The following ANKS1A variants were observed in gnomAD, a reference collection of about 807,000 sequenced individuals.
The protein encoded by ANKS1A is ankyrin repeat and SAM domain-containing protein 1A.
A neutral mutation model predicts 120.3 loss-of-function variants in ANKS1A; 55 were observed. The observed-to-expected ratio is 0.46, with a 90% CI of 0.37 to 0.57. The LOEUF (loss-of-function observed/expected upper bound fraction) is 0.57, where lower values mean the gene tolerates loss of function less well. ANKS1A is among the 20% of genes least tolerant of loss of function. The probability of loss-of-function intolerance (pLI) is 0.00; values close to 1 mark genes in which losing one functional copy is unlikely to be tolerated. For synonymous variants in ANKS1A, 590 were observed against 604.7 expected, an observed-to-expected ratio of 0.98 and a Z score of 0.36; for missense variants, 1,123 against 1,480.3, an observed-to-expected ratio of 0.76 and a Z score of 3.96.
rs183530151 is a variant in ANKS1A at position 34,914,213 on chromosome 6, A to G, written c.197+24614A>G. Among the ~76,000 whole-genome samples, 845 of 152,258 alleles carry G rather than the reference A, an allele frequency of 5.5e-3. 9 individuals are homozygous for G. Among genetic ancestry groups the G allele is most frequent in the African/African-American group, 0.016 (669 of 41,544 alleles). On this transcript the variant is annotated intron_variant, in intron 1 of 23. Transcript: ENST00000360359. ...TGGGATTACAGGTGTGAGCCACCTTACCCAGCCAATAGTTTTTGAATCTAA... is the reference window on the plus strand; with the variant it reads ...TGGGATTACAGGTGTGAGCCACCTTGCCCAGCCAATAGTTTTTGAATCTAA...
At chr6:34,979,590 T>C (rs1000259843) in intron 3 of ANKS1A, among the ~76,000 whole-genome samples, 7 of 152,152 alleles carry the variant, frequency 4.6e-5, no homozygotes, top group Non-Finnish European at 8.8e-5. Flanking sequence ...TTTTTTGTTT[T>C]TTTGGTTTTT....
intron 1 of ANKS1A, among the ~76,000 whole-genome samples, chr6:34,924,441 C>T (rs1195469413): frequency 6.6e-6 from 1 of 152,130 alleles, no homozygotes; most frequent in African/African-American, 2.4e-5. Flanking sequence ...TCCTGTTTTT[C>T]TCAGCCTTTA....
intron 1 of ANKS1A, among the ~76,000 whole-genome samples, chr6:34,960,053 G>A (rs2127500128): frequency 6.6e-6 from 1 of 152,076 alleles, no homozygotes; most frequent in Middle Eastern, 3.4e-3. Context: ...ATGTCCTCTG[G>A]CATCTCTGTG....
intron 11 of ANKS1A, among the ~76,000 whole-genome samples, chr6:35,023,179 G>A (rs1472699096): frequency 6.6e-6 from 1 of 152,076 alleles, no homozygotes; most frequent in East Asian, 1.9e-4. Context: ...CCTTCCCTTT[G>A]ACCCTTCTGA....
intron 9 of ANKS1A, among the ~76,000 whole-genome samples, chr6:34,993,346 C>G (rs947946832): frequency 6.6e-6 from 1 of 152,146 alleles, no homozygotes; most frequent in African/African-American, 2.4e-5. Context: ...ACTCTGGTAC[C>G]AAGACAAGCC....
chr6:35,056,559 A>T (rs1776235500), intron 12 of ANKS1A, among the ~76,000 whole-genome samples: 1 of 152,180 alleles, frequency 6.6e-6, no homozygotes. Context: ...AAGTGCTGGG[A>T]TTACAGGCGT....
intron 9 of ANKS1A, among the ~76,000 whole-genome samples, chr6:34,992,833 C>G (rs1213257943): frequency 6.6e-6 from 1 of 152,172 alleles, no homozygotes; most frequent in Non-Finnish European, 1.5e-5. Context: ...TGTTAACAAA[C>G]AGGAGCTGCA....
chr6:35,034,460 A>G (rs1775056555), intron 11 of ANKS1A, among the ~76,000 whole-genome samples: 1 of 152,208 alleles, frequency 6.6e-6, no homozygotes, highest in East Asian at 1.9e-4. Context: ...GACGTTAGTC[A>G]GAGCATCTGA....
intron 13 of ANKS1A, among the ~76,000 whole-genome samples, chr6:35,075,266 A>G (rs1228578509): frequency 1.3e-5 from 2 of 152,242 alleles, no homozygotes; most frequent in African/African-American, 4.8e-5. Flanking sequence ...TAAGCCTGAC[A>G]TAACTGAGAA....
At chr6:34,992,205 A>T (rs756854012) in intron 9 of ANKS1A, among the ~76,000 whole-genome samples, 7 of 151,988 alleles carry the variant, frequency 4.6e-5, no homozygotes, top group Non-Finnish European at 1.0e-4. Context: ...AAGTCCCCAG[A>T]CCTCTCTGGG....
At position 35,085,581 on chromosome 6, in the gene ANKS1A, G is replaced by A. The variant is rs1270770944; in HGVS notation, c.3133-185G>A. On this transcript the variant is annotated intron_variant, in intron 21 of 23. Coordinates refer to ENST00000360359, the MANE Select transcript of ANKS1A (RefSeq NM_015245.3). The surrounding 1 kb of genome is among the most constrained non-coding windows in gnomAD (Gnocchi z 4.7). ...AGCCCAGCTCCCGGCCACATCCTGT[G>A]TAGAGCGGGAAGAACAACAGAGACC... is the stretch of plus-strand genomic sequence containing the variant. Among the ~76,000 whole-genome samples the A allele has an allele frequency of 6.6e-6, 1 of 150,806 alleles. No individual in the cohort carries two copies. The highest frequency in any genetic ancestry group is 6.6e-5 in the Admixed American group (1 of 15,042).
Position 34,986,263 on chromosome 6 carries a change from A to G in ANKS1A, c.1209+985A>G, listed in dbSNP as rs1581599159. Among the ~76,000 whole-genome samples the G allele has an allele frequency of 3.3e-5, 5 of 152,214 alleles. No individual in the cohort carries two copies. The South Asian group carries it at 1.0e-3, about 31-fold the overall frequency. ...GAAACATTGTACCATCGCAGGTCAG[A>G]CAGTCTGTACCTGCTTTTACTTCTA... On this transcript the variant is annotated intron_variant, in intron 8 of 23. Transcript: ENST00000360359.
rs1323083811 is a variant in ANKS1A at position 35,014,775 on chromosome 6, A to G, written c.1424-2698A>G. The stretch of plus-strand genomic sequence containing the variant: ...TTTACCAAAGTCATCTTGCATTCAA[A>G]TATAGTCAGAGGGACATTGTACCTT... On this transcript the variant is annotated intron_variant, in intron 10 of 23. Coordinates refer to ENST00000360359, the MANE Select transcript of ANKS1A (RefSeq NM_015245.3). Among the ~76,000 whole-genome samples the G allele has an allele frequency of 2.6e-5, 4 of 152,244 alleles. No individual in the cohort carries two copies. In the South Asian group the frequency reaches 6.2e-4, roughly 24 times the overall value.
At chr6:35,052,061 T>C (rs182624601) in intron 11 of ANKS1A, among the ~76,000 whole-genome samples, 95 of 152,200 alleles carry the variant, frequency 6.2e-4, no homozygotes, top group Non-Finnish European at 4.7e-4. Flanking sequence ...ACACCTGTAG[T>C]CCCAGCACTT....
chr6:34,900,616 A>G (rs1455432260), intron 1 of ANKS1A, among the ~76,000 whole-genome samples: 1 of 152,190 alleles, frequency 6.6e-6, no homozygotes, highest in African/African-American at 2.4e-5. Flanking sequence ...GGAATACACT[A>G]GTAGTATTGC....
Position 34,894,571 on chromosome 6 carries a change from G to C in ANKS1A, c.197+4972G>C, listed in dbSNP as rs142899721. ...GGAGGCTGATGTGGGAGGATTGCTT[G>C]AGTCTGGGAGGTTGAGGCTGCAGTG... On this transcript the variant is annotated intron_variant, in intron 1 of 23. Coordinates refer to ENST00000360359, the MANE Select transcript of ANKS1A (RefSeq NM_015245.3). Among the ~76,000 whole-genome samples, 13 of 152,280 alleles carry C rather than the reference G, an allele frequency of 8.5e-5. No individual in the cohort carries two copies. The East Asian group carries it at 2.5e-3, about 29-fold the overall frequency.
At chr6:34,945,090 A>C (rs1032362356) in intron 1 of ANKS1A, among the ~76,000 whole-genome samples, 1 of 151,938 alleles carries the variant, frequency 6.6e-6, no homozygotes, top group Admixed American at 6.6e-5. Flanking sequence ...TTATTTTATT[A>C]TTTGAAATAG....
rs750993571 is a variant in ANKS1A, at chr6:35,084,098, C to T, written c.2995-23C>T. ...GAGGCATGCCTGAGCCTGAGAATTC[C>T]AGAACACGGCTTTCCCCAGCAGAAC... On this transcript the variant is annotated intron_variant, in intron 20 of 23. Transcript: ENST00000360359. This position sits in a 1 kb window ranked among gnomAD's most constrained non-coding sequence, Gnocchi z 4.8. 1 of 1,613,350 alleles carries T rather than the reference C, an allele frequency of 6.2e-7. No individual in the cohort carries two copies. The highest frequency in any genetic ancestry group is 8.5e-7 in the Non-Finnish European group (1 of 1,179,546).
chr6:35,038,626 C>T (rs146720743), intron 11 of ANKS1A, among the ~76,000 whole-genome samples: 2 of 152,156 alleles, frequency 1.3e-5, no homozygotes, highest in African/African-American at 4.8e-5. Context: ...GGACTATAGG[C>T]GTGCGCCACC....
Sources: allele counts gnomAD v4.1 joint callset (sites outside exome capture counted in the v4.1 genomes callset), GRCh38; gene constraint gnomAD v4.1.1; non-coding constraint Gnocchi (gnomAD v3.1); transcripts MANE v1.5; gene names NCBI Gene and HGNC (gene_info 2026-07-23, HGNC 2026-07-21).